Variants in ANKS1B observed in about 807,000 individuals in gnomAD.
ANKS1B encodes ankyrin repeat and sterile alpha motif domain containing 1B.
ANKS1B carries 36 observed loss-of-function variants against 148.3 expected under a neutral mutation model. The observed-to-expected ratio is 0.24, with a 90% CI of 0.19 to 0.32. ANKS1B has a LOEUF of 0.32. ANKS1B is among the 10% of genes least tolerant of loss of function. ANKS1B has a pLI of 1.00. For synonymous variants in ANKS1B, 542 were observed against 560.8 expected (o/e 0.97, Z 0.47); for missense variants, 1,157 against 1,542.6 (o/e 0.75, Z 4.19).
At chr12:99,059,437 T>A (rs2041581852) in intron 16 of ANKS1B, among the ~76,000 whole-genome samples, 1 of 152,348 alleles carries the variant, frequency 6.6e-6, no homozygotes, top group South Asian at 2.1e-4. Flanking sequence ...CTCCATGTTA[T>A]GAAAACTAAG....
At chr12:99,732,734 T>C (rs1485291907) in intron 8 of ANKS1B, among the ~76,000 whole-genome samples, 1 of 152,180 alleles carries the variant, frequency 6.6e-6, no homozygotes, top group Non-Finnish European at 1.5e-5. Context: ...TGTATGTAAA[T>C]TATATCTCTA....
chr12:98,898,158 A>G (rs149575510), intron 17 of ANKS1B, among the ~76,000 whole-genome samples: 5 of 152,358 alleles, frequency 3.3e-5, no homozygotes, highest in Non-Finnish European at 7.3e-5. Context: ...TCACCGTTAT[A>G]CAACATATCC....
chr12:99,823,584 G>GCATGAGC (rs1379767379), intron 2 of ANKS1B, among the ~76,000 whole-genome samples: 1 of 152,166 alleles, frequency 6.6e-6, no homozygotes, highest in Non-Finnish European at 1.5e-5. Context: ...GGGATTACAG[G>GCATGAGC]CATGAGCCAC....
intron 9 of ANKS1B, among the ~76,000 whole-genome samples, chr12:99,615,555 C>A (rs1434937727): frequency 6.6e-6 from 1 of 152,090 alleles, no homozygotes; most frequent in Non-Finnish European, 1.5e-5. Flanking sequence ...ATGATTATCT[C>A]AATAGATGCA....
intron 11 of ANKS1B, among the ~76,000 whole-genome samples, chr12:99,426,754 C>A (rs1225753386): frequency 6.6e-6 from 1 of 152,126 alleles, no homozygotes; most frequent in Non-Finnish European, 1.5e-5. Flanking sequence ...AGCAGAAGGG[C>A]TAGAGACCCT....
intron 12 of ANKS1B, among the ~76,000 whole-genome samples, chr12:99,381,934 T>C (rs1249192227): frequency 2.6e-5 from 4 of 152,192 alleles, no homozygotes; most frequent in Non-Finnish European, 4.4e-5. Flanking sequence ...AACTGCTCAC[T>C]AAATTATGGC....
intron 9 of ANKS1B, among the ~76,000 whole-genome samples, chr12:99,543,195 A>G (rs1241954219): frequency 1.3e-5 from 2 of 152,148 alleles, no homozygotes; most frequent in Non-Finnish European, 2.9e-5. Context: ...AAGAAGATCT[A>G]CAAATGGCCA....
Position 98,845,161 on chromosome 12 carries a change from A to C in ANKS1B, c.2779-13025T>G, listed in dbSNP as rs1331932888. Among the ~76,000 whole-genome samples, 10 of 152,298 alleles carry C rather than the reference A, an allele frequency of 6.6e-5. No homozygotes were observed. The East Asian group carries it at 1.9e-3, about 29-fold the overall frequency. On this transcript the variant is annotated intron_variant, in intron 17 of 26. Transcript: ENST00000683438. ...TTAGAATAATTTTACCAAATAAATA[A>C]TCTCATTTACCTTGCTATTACAACC... is the stretch of plus-strand genomic sequence containing the variant.
intron 1 of ANKS1B, among the ~76,000 whole-genome samples, chr12:99,835,285 GCCAGGCATGGTGGC>G (rs1392294180): frequency 6.7e-6 from 1 of 149,794 alleles, no homozygotes; most frequent in Non-Finnish European, 1.5e-5. Context: ...AGAAAAATTA[GCCAGGCATGGTGGC>G]ATGCATCTGT....
chr12:99,594,713 G>A (rs924856700), intron 9 of ANKS1B, among the ~76,000 whole-genome samples: 38 of 152,068 alleles, frequency 2.5e-4, no homozygotes, highest in Admixed American at 2.0e-3. Flanking sequence ...GTACGGGCTG[G>A]GGAGAGGAAG....
rs575762134 is a variant in ANKS1B at position 99,190,367 on chromosome 12, A to G, written c.2420-35972T>C. On this transcript the variant is annotated intron_variant, in intron 14 of 26. Transcript: ENST00000683438. ...CTTTAAATTTCATATGGAACCAAAA[A>G]AGAGCCCATATATCCAAGATAATCC... Among the ~76,000 whole-genome samples, 15 of 152,314 alleles carry G rather than the reference A, an allele frequency of 9.8e-5. No individual in the cohort carries two copies. The South Asian group carries it at 2.3e-3, about 23-fold the overall frequency.
At chr12:99,896,270 C>T (rs1029461033) in intron 1 of ANKS1B, among the ~76,000 whole-genome samples, 11 of 151,206 alleles carry the variant, frequency 7.3e-5, no homozygotes, top group African/African-American at 2.2e-4. Flanking sequence ...GGTAACCACT[C>T]TTCTATTCTC....
chr12:99,912,512 T>C (rs1464098495), intron 1 of ANKS1B, among the ~76,000 whole-genome samples: 2 of 151,976 alleles, frequency 1.3e-5, no homozygotes, highest in Admixed American at 1.3e-4. Context: ...CCACCACGCC[T>C]GGCTAATTTT....
At chr12:99,716,201 A>G (rs1163183756) in intron 8 of ANKS1B, among the ~76,000 whole-genome samples, 2 of 147,924 alleles carry the variant, frequency 1.4e-5, no homozygotes, top group Admixed American at 6.7e-5. Flanking sequence ...CCTTATTTCC[A>G]TGCCCTGACC....
intron 11 of ANKS1B, among the ~76,000 whole-genome samples, chr12:99,433,987 A>G (rs1220701570): frequency 6.6e-6 from 1 of 152,146 alleles, no homozygotes; most frequent in African/African-American, 2.4e-5. Context: ...AGCATATGGT[A>G]GGCACTCAAC....
chr12:99,870,025 G>C lies in ANKS1B; in HGVS notation c.135-44636C>G, dbSNP rs1168530597. Among the ~76,000 whole-genome samples the C allele has an allele frequency of 5.9e-5, 9 of 152,146 alleles. No homozygotes were observed. In the East Asian group the frequency reaches 1.5e-3, roughly 26 times the overall value. On this transcript the variant is annotated intron_variant, in intron 1 of 26. Coordinates refer to ENST00000683438, the MANE Select transcript of ANKS1B (RefSeq NM_001352186.2). The stretch of plus-strand genomic sequence containing the variant: ...TATATTGTGTGATGTTGAGAATTAG[G>C]GTACAACTGATCCTATCACTCAGGT...
At chr12:99,008,413 A>G (rs2099937406) in intron 17 of ANKS1B, among the ~76,000 whole-genome samples, 1 of 152,192 alleles carries the variant, frequency 6.6e-6, no homozygotes, top group South Asian at 2.1e-4. Flanking sequence ...CAATGAGAGA[A>G]CTTAGAGCAA....
chr12:99,760,893 A>C (rs2062030103), intron 8 of ANKS1B, among the ~76,000 whole-genome samples: 2 of 151,326 alleles, frequency 1.3e-5, no homozygotes, highest in Admixed American at 1.3e-4. Context: ...TACAAAAAAA[A>C]CCCTCAGAGA....
At chr12:99,179,533 C>T (rs2078863709) in intron 14 of ANKS1B, among the ~76,000 whole-genome samples, 3 of 151,876 alleles carry the variant, frequency 2.0e-5, no homozygotes, top group Admixed American at 1.3e-4. Context: ...TACAAGAGTG[C>T]CATGCATTCT....
Sources: allele counts gnomAD v4.1 joint callset (sites outside exome capture counted in the v4.1 genomes callset), GRCh38; gene constraint gnomAD v4.1.1; transcripts MANE v1.5; gene names NCBI Gene and HGNC (gene_info 2026-07-23, HGNC 2026-07-21).